Variants in ZNF232 observed in about 807,000 individuals in gnomAD.
ZNF232 encodes the protein zinc finger and SCAN domain-containing protein 11.
In ZNF232, 25 loss-of-function variants were observed where a neutral mutation model predicts 25.2. That is an observed-to-expected ratio of 0.99 (90% confidence interval 0.72 to 1.39). The LOEUF (loss-of-function observed/expected upper bound fraction) is 1.39. Ranked by LOEUF, ZNF232 falls within the 40% of genes most tolerant of loss-of-function variation. ZNF232 has a pLI of 0.00. For missense variants in ZNF232, 519 were observed against 520.9 expected (o/e 1.00, Z 0.04); for synonymous variants, 193 against 182.9 (o/e 1.06, Z -0.45).
upstream of ZNF232, chr17:5,111,967 G>T (rs1010604618): frequency 6.4e-6 from 8 of 1,246,364 alleles, no homozygotes; most frequent in East Asian, 1.1e-4. Flanking sequence ...AGGCGCGTGG[G>T]CGCTGCCGAG....
At chr17:5,105,883 A>T (rs1263835407) in exon 4 of ZNF232, 1 of 1,613,848 alleles carries the variant, frequency 6.2e-7, no homozygotes, top group Admixed American at 1.7e-5. Flanking sequence ...TCTGAGCACC[A>T]TCCATAAGCT....
chr17:5,109,982 G>A lies in ZNF232; in HGVS notation c.24-114C>T, dbSNP rs1033348963. On this transcript the variant is annotated intron_variant, in intron 1 of 3. Coordinates refer to ENST00000575898, the Ensembl canonical transcript of ZNF232. ...TCAGCTCACTGCAACCTCCACCCCC[G>A]GGGTTCTAGCGATTCTCCTACCTCA... is the stretch of plus-strand genomic sequence containing the variant. 36 of 1,056,742 alleles carry A rather than the reference G, an allele frequency of 3.4e-5. 1 individual carries two copies. The highest frequency in any genetic ancestry group is 3.1e-4 in the Middle Eastern group (1 of 3,206). The allele number at this position is 1,056,742 out of a possible 1,614,324, so 65.5% of individuals were successfully genotyped here.
At chr17:5,115,555 A>AACACACACACACACACACACACACAC (rs61171102), upstream of ZNF232, among the ~76,000 whole-genome samples, 236 of 148,768 alleles carry the variant, frequency 1.6e-3, 1 homozygote, top group East Asian at 6.1e-3. Flanking sequence ...CGTCTCCAAA[A>AACACACACACACACACACACACACAC]ACACACACAC....
rs1163975155 is a variant in ZNF232 at position 5,111,363 on chromosome 17, G to A, written c.23+437C>T. 2.3e-5 allele frequency: 5 copies of A among 216,104 alleles called. No individual in the cohort carries two copies. The East Asian group carries it at 4.3e-4, about 19-fold the overall frequency. 13.4% of individuals were successfully genotyped at this position (216,104 alleles called of 1,614,324 possible). On this transcript the variant is annotated intron_variant, in intron 1 of 3. Coordinates refer to ENST00000575898, the Ensembl canonical transcript of ZNF232. Reference sequence around the variant, plus strand: ...GGGAAGGAGGTGGAACGCATCAGAGGCCACGAAAGGAGCACAAAGGGGGAC... The same window carrying A: ...GGGAAGGAGGTGGAACGCATCAGAGACCACGAAAGGAGCACAAAGGGGGAC...
chr17:5,105,838 C>G, exon 4 of ZNF232: 1 of 1,586,742 alleles, frequency 6.3e-7, no homozygotes, highest in Non-Finnish European at 8.6e-7. Context: ...TGGGAAGGCT[C>G]TTTTCTGGCA....
intron 1 of ZNF232, chr17:5,121,494 G>T (rs2072663011): frequency 4.2e-6 from 1 of 237,168 alleles, no homozygotes; most frequent in African/African-American, 2.3e-5. Flanking sequence ...AGCAAGGTAG[G>T]GCCTCTGTCC....
intron 3 of ZNF232, among the ~76,000 whole-genome samples, chr17:5,108,064 A>C (rs1169435999): frequency 6.6e-6 from 1 of 152,236 alleles, no homozygotes; most frequent in Non-Finnish European, 1.5e-5. Context: ...AGAAGTAGAA[A>C]CATACTTTTG....
chr17:5,109,291 C>T, intron 2 of ZNF232, 103 bp downstream of exon 2: 1 of 1,424,740 alleles, frequency 7.0e-7, no homozygotes, highest in Non-Finnish European at 9.9e-7. Flanking sequence ...TCTACCTGGC[C>T]CAAGAGAGGT....
intron 2 of ZNF232, 57 bp downstream of exon 2, chr17:5,109,337 G>C (rs758012483): frequency 6.2e-7 from 1 of 1,603,734 alleles, no homozygotes. Flanking sequence ...CTGCCCCTCG[G>C]TCCAGCCTGA....
At chr17:5,113,722 T>G (rs1039454717), upstream of ZNF232, 7 of 152,206 alleles carry the variant, frequency 4.6e-5, no homozygotes, top group Non-Finnish European at 1.0e-4. Context: ...CAGAAAGACA[T>G]CCACCCTAGA....
At chr17:5,115,333 C>T (rs1367804395), upstream of ZNF232, among the ~76,000 whole-genome samples, 1 of 152,000 alleles carries the variant, frequency 6.6e-6, no homozygotes, top group Admixed American at 6.5e-5. Context: ...CAGTGGATCA[C>T]CTGAGGTCAG....
At chr17:5,121,993 G>A (rs1334598854) in intron 1 of ZNF232, among the ~76,000 whole-genome samples, 2 of 152,094 alleles carry the variant, frequency 1.3e-5, no homozygotes, top group East Asian at 1.9e-4. Flanking sequence ...GAGCTGAAGA[G>A]GGGAATGAAC....
intron 2 of ZNF232, 105 bp downstream of exon 2, chr17:5,109,289 G>T: frequency 7.2e-7 from 1 of 1,388,198 alleles, no homozygotes; most frequent in Non-Finnish European, 1.0e-6. Flanking sequence ...GCTCTACCTG[G>T]CCCAAGAGAG....
At chr17:5,111,840 T>A in exon 1 of ZNF232, 1 of 1,613,726 alleles carries the variant, frequency 6.2e-7, no homozygotes, top group Non-Finnish European at 8.5e-7. Context: ...CTGCCGCGAA[T>A]CGCGCCACTT....
At chr17:5,111,636 C>T in intron 1 of ZNF232, 164 bp downstream of exon 1, 5 of 1,010,866 alleles carry the variant, frequency 4.9e-6, no homozygotes, top group Non-Finnish European at 2.9e-6. Context: ...CGCGACGCAA[C>T]GCAGGTAGCG....
exon 4 of ZNF232, chr17:5,105,866 A>T (rs751321410): frequency 6.2e-7 from 1 of 1,611,982 alleles, no homozygotes; most frequent in South Asian, 1.1e-5. Context: ...TCCGATGTCT[A>T]ATGAGCTCTG....
At chr17:5,120,503 C>T in intron 1 of ZNF232, 6 of 326,978 alleles carry the variant, frequency 1.8e-5, no homozygotes, top group South Asian at 1.6e-4. Flanking sequence ...AGCTGTTGGC[C>T]TATCTGTGTC....
chr17:5,117,974 C>T (rs976360091), intron 1 of ZNF232, among the ~76,000 whole-genome samples: 1 of 151,200 alleles, frequency 6.6e-6, no homozygotes, highest in African/African-American at 2.4e-5. Flanking sequence ...GAGGCTGAGG[C>T]AGGAGAATCA....
rs140021055 is a variant in ZNF232 at position 5,106,204 on chromosome 17, C to G, written c.928G>C (p.Val310Leu). The stretch of plus-strand genomic sequence containing the variant: ...CCAGAATGAACTCTCTGGTGGACAA[C>G]AAGATGTGAGTTATAAATGAAGGTT... Residue 310 changes from valine (V) to leucine (L), a missense_variant, in exon 4 of 4, where the codon GTT becomes CTT. Transcript: ENST00000575898. 5.6e-6 allele frequency: 9 copies of G among 1,614,102 alleles called. No homozygotes were observed. In the African/African-American group the frequency reaches 1.1e-4, roughly 19 times the overall value.
Sources: allele counts gnomAD v4.1 joint callset (sites outside exome capture counted in the v4.1 genomes callset), GRCh38; gene constraint gnomAD v4.1.1; transcripts MANE v1.5; gene names NCBI Gene and HGNC (gene_info 2026-07-23, HGNC 2026-07-21).